SMG6: variants seen among roughly 807,000 people sequenced by gnomAD.
The protein encoded by SMG6 is telomerase-binding protein EST1A.
Under a neutral mutation model 142.2 loss-of-function variants are expected in SMG6, and 66 were observed. That is an observed-to-expected ratio of 0.46 (90% CI 0.38 to 0.57). The LOEUF (loss-of-function observed/expected upper bound fraction) is 0.57. Among genes scored for constraint, SMG6 ranks in the 20% least tolerant of loss-of-function variants. The pLI is 0.00. For synonymous variants in SMG6, 779 were observed against 702.4 expected (o/e 1.11, Z -1.72); for missense variants, 1,793 against 1,832.0 (o/e 0.98, Z 0.39).
chr17:2,177,676 A>C (rs2071689761), intron 12 of SMG6, among the ~76,000 whole-genome samples: 1 of 152,208 alleles, frequency 6.6e-6, no homozygotes, highest in African/African-American at 2.4e-5. Context: ...GAAGCCGTGC[A>C]TTGTGTTTCA....
intron 12 of SMG6, among the ~76,000 whole-genome samples, chr17:2,180,023 A>G (rs1427837235): frequency 8.5e-5 from 13 of 152,214 alleles, no homozygotes; most frequent in Admixed American, 7.9e-4. Context: ...ATTTGGCCTC[A>G]GCAGAGACTG....
intron 10 of SMG6, among the ~76,000 whole-genome samples, chr17:2,230,215 AAAAAAAGG>A (rs2073438021): frequency 5.8e-5 from 5 of 86,440 alleles, no homozygotes; most frequent in African/African-American, 9.7e-5. Flanking sequence ...AAAAAAAAAA[AAAAAAAGG>A]AAAAGAAAGG....
intron 10 of SMG6, among the ~76,000 whole-genome samples, chr17:2,215,223 ACG>A (rs932888709): frequency 1.3e-5 from 2 of 151,150 alleles, no homozygotes; most frequent in Non-Finnish European, 1.5e-5. Flanking sequence ...ACACACACAC[ACG>A]CGCGCGCACA....
intron 13 of SMG6, among the ~76,000 whole-genome samples, chr17:2,153,578 G>C (rs1415963318): frequency 6.6e-6 from 1 of 150,928 alleles, no homozygotes; most frequent in Non-Finnish European, 1.5e-5. Flanking sequence ...CGCGGTGACT[G>C]GGGGAACCTG....
chr17:2,100,333 G>C (rs2151471574), intron 13 of SMG6, among the ~76,000 whole-genome samples: 1 of 152,170 alleles, frequency 6.6e-6, no homozygotes, highest in Non-Finnish European at 1.5e-5. Flanking sequence ...CACCGTCCCT[G>C]GCCTAATCTT....
chr17:2,280,184 A>G (rs2074753066), intron 8 of SMG6, among the ~76,000 whole-genome samples: 1 of 152,210 alleles, frequency 6.6e-6, no homozygotes. Flanking sequence ...TAGGAAGCTA[A>G]CTTGGGCCTA....
chr17:2,176,932 G>C (rs2071669541), intron 12 of SMG6, among the ~76,000 whole-genome samples: 1 of 152,194 alleles, frequency 6.6e-6, no homozygotes, highest in South Asian at 2.1e-4. Flanking sequence ...AGAATTCCAA[G>C]GTTTAATGTA....
At chr17:2,128,054 G>GCTGCAGGTATCCAGCAGACTC in intron 13 of SMG6, 1 of 407,458 alleles carries the variant, frequency 2.5e-6, no homozygotes, top group Non-Finnish European at 4.8e-6. Context: ...CTGTGCTCCA[G>GCTGCAGGTATCCAGCAGACTC]CTGCAGGTAT....
At chr17:2,181,953 G>A (rs1276995328) in intron 12 of SMG6, among the ~76,000 whole-genome samples, 1 of 152,220 alleles carries the variant, frequency 6.6e-6, no homozygotes, top group Non-Finnish European at 1.5e-5. Context: ...CTGCGTGAGA[G>A]AGCTAACAGA....
chr17:2,291,147 C>T (rs2075023517), intron 6 of SMG6, among the ~76,000 whole-genome samples: 3 of 152,068 alleles, frequency 2.0e-5, no homozygotes, highest in Admixed American at 6.6e-5. Context: ...CTGGCTAACA[C>T]AATGAAACCC....
chr17:2,206,705 T>A (rs992272266), intron 10 of SMG6, among the ~76,000 whole-genome samples: 7 of 151,980 alleles, frequency 4.6e-5, no homozygotes, highest in African/African-American at 1.7e-4. Flanking sequence ...CTGACCAACA[T>A]GGTGAAACCC....
At chr17:2,161,896 C>T (rs1259141061) in intron 13 of SMG6, among the ~76,000 whole-genome samples, 1 of 152,042 alleles carries the variant, frequency 6.6e-6, no homozygotes, top group African/African-American at 2.4e-5. Context: ...TGTTTATCCT[C>T]GGGAACTATT....
chr17:2,135,038 C>T (rs565468269), intron 13 of SMG6, among the ~76,000 whole-genome samples: 12 of 152,162 alleles, frequency 7.9e-5, no homozygotes, highest in Admixed American at 2.0e-4. Flanking sequence ...AGCCACCATG[C>T]CTGGCTAATT....
chr17:2,066,370 C>CTGTGTG (rs1404157583), intron 16 of SMG6, among the ~76,000 whole-genome samples: 1 of 84,112 alleles, frequency 1.2e-5, no homozygotes, highest in Non-Finnish European at 2.3e-5. Flanking sequence ...GTGTATATGT[C>CTGTGTG]TCTGTGTGTG....
chr17:2,133,268 G>A (rs1269810160), intron 13 of SMG6, among the ~76,000 whole-genome samples: 4 of 152,044 alleles, frequency 2.6e-5, no homozygotes, highest in East Asian at 1.9e-4. Flanking sequence ...GTTTAAAAAC[G>A]TAAAATTCTT....
intron 10 of SMG6, chr17:2,233,708 A>G (rs2073564806): frequency 8.1e-6 from 1 of 124,062 alleles, no homozygotes; most frequent in Non-Finnish European, 1.6e-5. Context: ...ACACCCCCTT[A>G]TTGCCACTGT....
In SMG6 at chr17:2,101,858, G is replaced by A. The variant is rs145759814; in HGVS notation, c.3358-15957C>T. Among the ~76,000 whole-genome samples the A allele has an allele frequency of 4.9e-3, 753 of 152,346 alleles. 2 individuals carry two copies. Among genetic ancestry groups the A allele is most frequent in the Middle Eastern group, 0.01 (3 of 294 alleles). On this transcript the variant is annotated intron_variant, in intron 13 of 18. Transcript: ENST00000263073. Reference sequence around the variant, plus strand: ...AGCCAGTAACTGCAGGGGCCGGACTGTTCTAACTGCCACAGCTCTCCATGA... The same window carrying A: ...AGCCAGTAACTGCAGGGGCCGGACTATTCTAACTGCCACAGCTCTCCATGA...
At chr17:2,290,858 C>G (rs1170316237) in intron 6 of SMG6, among the ~76,000 whole-genome samples, 1 of 152,182 alleles carries the variant, frequency 6.6e-6, no homozygotes, top group Non-Finnish European at 1.5e-5. Context: ...TGAAAAGACG[C>G]TCAACATCGT....
intron 10 of SMG6, among the ~76,000 whole-genome samples, chr17:2,230,329 AAAAAAAAGG>A (rs2073451701): frequency 2.2e-5 from 2 of 90,178 alleles, no homozygotes; most frequent in Admixed American, 1.2e-4. Context: ...AAAAAAAAAA[AAAAAAAAGG>A]GAAAACCACA....
Sources: gnomAD v4.1 joint callset for allele counts (sites outside exome capture counted in the v4.1 genomes callset) on GRCh38, gnomAD v4.1.1 for gene constraint, MANE v1.5 for transcripts, NCBI Gene and HGNC (gene_info 2026-07-23, HGNC 2026-07-21) for gene names.